The following MUC12 variants were observed in gnomAD, a reference collection of about 807,000 sequenced individuals.
MUC12 encodes mucin 12, cell surface associated.
A neutral mutation model predicts 230.8 loss-of-function variants in MUC12; 172 were observed. That is an observed-to-expected ratio of 0.75 (90% CI 0.66 to 0.85). The LOEUF (loss-of-function observed/expected upper bound fraction) is 0.85, where lower values mean the gene tolerates loss of function less well. Among genes scored for constraint, MUC12 ranks in the 40% least tolerant of loss-of-function variants. The pLI is 0.00. For synonymous variants in MUC12, 1,259 were observed against 2,401.9 expected, an observed-to-expected ratio of 0.52 and a Z score of 13.91; for missense variants, 3,506 against 5,920.6, an observed-to-expected ratio of 0.59 and a Z score of 13.38.
intron 9 of MUC12, chr7:101,015,249 T>G: frequency 4.0e-6 from 1 of 251,774 alleles, no homozygotes; most frequent in South Asian, 6.1e-5. Context: ...ATGGAGCGTC[T>G]GGGTCTCACT....
chr7:100,981,526 C>T, intron 1 of MUC12: 1 of 447,580 alleles, frequency 2.2e-6, no homozygotes, highest in South Asian at 4.5e-5. Flanking sequence ...GTCCTAGGAA[C>T]TGAATGTGAG....
chr7:100,971,477 A>G (rs1792894983), intron 1 of MUC12, among the ~76,000 whole-genome samples: 1 of 152,312 alleles, frequency 6.6e-6, no homozygotes, highest in African/African-American at 2.4e-5. Context: ...CCCACCAGGG[A>G]AGTTCCACCA....
chr7:100,976,832 C>T (rs984862122), intron 1 of MUC12, among the ~76,000 whole-genome samples: 14 of 151,920 alleles, frequency 9.2e-5, no homozygotes, highest in African/African-American at 3.1e-4. Context: ...AGGCAGATCA[C>T]GTGACATCGG....
chr7:100,970,612 G>A (rs539353543), intron 1 of MUC12, among the ~76,000 whole-genome samples: 13 of 152,194 alleles, frequency 8.5e-5, no homozygotes, highest in African/African-American at 3.1e-4. Context: ...GCAGGGTCTC[G>A]CCTGCAATCC....
chr7:100,988,598 G>A (rs1478857526), intron 1 of MUC12, among the ~76,000 whole-genome samples: 1 of 152,222 alleles, frequency 6.6e-6, no homozygotes, highest in East Asian at 1.9e-4. Context: ...TGCATCTGGA[G>A]AGAAAGGACA....
chr7:101,014,781 A>C, intron 9 of MUC12, among the ~76,000 whole-genome samples: 1 of 26,850 alleles, frequency 3.7e-5, no homozygotes, highest in South Asian at 1.9e-3. Context: ...CCCGGCCTTA[A>C]ATTAAATTAA....
intron 5 of MUC12, among the ~76,000 whole-genome samples, chr7:101,010,745 C>T (rs1384806818): frequency 1.3e-5 from 2 of 152,076 alleles, no homozygotes; most frequent in African/African-American, 2.4e-5. Context: ...GAACTCCTGA[C>T]CTCAAGTGAT....
At position 100,991,426 on chromosome 7, in the gene MUC12, C is replaced by A; in HGVS notation, c.863C>A (p.Ser288Ter). ...FQSWPSSKDT[S>*]PAPSGTTSAF... The stretch of plus-strand genomic sequence containing the variant: ...AGCTGGCCAAGCTCAAAGGACACTT[C>A]GCCTGCACCTTCTGGTACCACATCA... The change falls in exon 2 of 12, where the codon TCG (serine) becomes TAG (stop). Residue 288 changes from serine to a stop codon, truncating the protein, a stop_gained. Transcript: ENST00000536621. LOFTEE classifies it high-confidence loss of function. 1 of 1,537,826 alleles carries A rather than the reference C, an allele frequency of 6.5e-7. No homozygotes were observed. Among genetic ancestry groups the A allele is most frequent in the Non-Finnish European group, 8.7e-7 (1 of 1,147,038 alleles).
intron 1 of MUC12, among the ~76,000 whole-genome samples, chr7:100,979,999 TG>T (rs1438657734): frequency 1.6e-4 from 24 of 150,166 alleles, no homozygotes; most frequent in Admixed American, 6.6e-5. Context: ...CGCTCCAGTC[TG>T]GGGGCACATT....
In MUC12 at chr7:101,012,891, GTA is replaced by G. The variant is rs1562794673; in HGVS notation, c.15475+2_15475+3del. 7.2e-6 allele frequency: 11 copies of G among 1,537,264 alleles called. No individual in the cohort carries two copies. Among genetic ancestry groups the G allele is most frequent in the Non-Finnish European group, 9.6e-6 (11 of 1,146,920 alleles). Reference sequence around the variant, plus strand: ...GTGACTCCGGGCTTTGACTTCCAGGGTAAGCGACTACGTGGAGCGTGGGCACT... The same window carrying G: ...GTGACTCCGGGCTTTGACTTCCAGGGAGCGACTACGTGGAGCGTGGGCACT... On this transcript the variant is annotated splice_donor_variant and splice_donor_region_variant and intron_variant, in intron 7 of 11. Transcript: ENST00000536621. LOFTEE classifies it high-confidence loss of function.
At chr7:101,015,142 T>G (rs1367541527) in intron 9 of MUC12, 1 of 165,034 alleles carries the variant, frequency 6.1e-6, no homozygotes, top group African/African-American at 2.4e-5. Flanking sequence ...AAACAGAAGC[T>G]TATGTGTGGA....
chr7:101,004,985 C>A lies in MUC12; in HGVS notation c.14422C>A (p.Leu4808Met), dbSNP rs149449920. ...HSKPGSTETT[L>M]SPGSITTSSF... ...TAAGCCAGGCTCAACTGAGACAACACTGTCCCCTGGCAGCATCACAACTTC... is the reference window on the plus strand; with the variant it reads ...TAAGCCAGGCTCAACTGAGACAACAATGTCCCCTGGCAGCATCACAACTTC... The change falls in exon 2 of 12, where the codon CTG becomes ATG. Residue 4808 changes from leucine to methionine, a missense_variant. By Grantham distance (15) the Leu-to-Met change is conservative (BLOSUM62 2). Coordinates refer to ENST00000536621, the MANE Select transcript of MUC12 (RefSeq NM_001164462.2). The A allele has an allele frequency of 6.5e-7, 1 of 1,537,594 alleles. No individual in the cohort carries two copies. Among genetic ancestry groups the A allele is most frequent in the African/African-American group, 1.4e-5 (1 of 73,038 alleles).
At chr7:100,983,737 C>T (rs554242448) in intron 1 of MUC12, among the ~76,000 whole-genome samples, 1 of 152,152 alleles carries the variant, frequency 6.6e-6, no homozygotes, top group Non-Finnish European at 1.5e-5. Flanking sequence ...GCTCTCCCCA[C>T]CCCTGTTCAT....
At chr7:100,974,193 C>A (rs1432150879) in intron 1 of MUC12, among the ~76,000 whole-genome samples, 1 of 152,210 alleles carries the variant, frequency 6.6e-6, no homozygotes, top group Non-Finnish European at 1.5e-5. Flanking sequence ...AGGAATTTGA[C>A]CCAGACTATA....
intron 9 of MUC12, chr7:101,015,257 A>C (rs1392356069): frequency 3.9e-6 from 1 of 257,990 alleles, no homozygotes; most frequent in Non-Finnish European, 7.5e-6. Flanking sequence ...TCTGGGTCTC[A>C]CTTTTCCCAG....
At chr7:100,973,106 C>A (rs1395933775) in intron 1 of MUC12, 2 of 532,506 alleles carry the variant, frequency 3.8e-6, no homozygotes, top group South Asian at 1.7e-5. Flanking sequence ...TCACAGGAAC[C>A]TCTGTGGGCT....
intron 1 of MUC12, among the ~76,000 whole-genome samples, chr7:100,988,996 A>C (rs1793236625): frequency 6.6e-6 from 1 of 151,512 alleles, no homozygotes; most frequent in South Asian, 2.1e-4. Flanking sequence ...TTCACCTTCC[A>C]CCATGATTGT....
Position 101,004,940 on chromosome 7 carries a change from G to A in MUC12, c.14377G>A (p.Glu4793Lys). ...ASTTTSGLSQ[E>K]STTFHSKPGS... ...CACCACCACCTCAGGCCTCAGTCAG[G>A]AATCAACAACTTTCCACAGTAAGCC... Residue 4793 changes from glutamate (E) to lysine (K), a missense_variant, in exon 2 of 12, where the codon GAA (glutamate) becomes AAA (lysine). By Grantham distance (56) the Glu-to-Lys change is moderately conservative. Coordinates refer to ENST00000536621, the MANE Select transcript of MUC12 (RefSeq NM_001164462.2). 6.5e-7 allele frequency: 1 copy of A among 1,537,826 alleles called. No individual in the cohort carries two copies. Among genetic ancestry groups the A allele is most frequent in the East Asian group, 2.4e-5 (1 of 40,918 alleles).
chr7:101,005,037 C>G lies in MUC12; in HGVS notation c.14474C>G (p.Pro4825Arg). 2 of 1,537,720 alleles carry G rather than the reference C, an allele frequency of 1.3e-6. No homozygotes were observed. The highest frequency in any genetic ancestry group is 1.7e-6 in the Non-Finnish European group (2 of 1,147,034). ...TSSFAQEFTT[P>R]HSQPGSALST... ...TCTTTTGCTCAAGAATTTACCACCC[C>G]TCATAGCCAACCAGGCTCAGCTCTG... Residue 4825 changes from proline to arginine, a missense_variant, in exon 2 of 12, where the codon CCT becomes CGT. Transcript: ENST00000536621.
Sources: gnomAD v4.1 joint callset for allele counts (sites outside exome capture counted in the v4.1 genomes callset) on GRCh38, gnomAD v4.1.1 for gene constraint, MANE v1.5 for transcripts, NCBI Gene and HGNC (gene_info 2026-07-23, HGNC 2026-07-21) for gene names.